Variants in CDKL3 observed in about 807,000 individuals in gnomAD.
The protein encoded by CDKL3 is cyclin dependent kinase like 3, also known as cyclin-dependent kinase-like 3.
CDKL3 carries 65 observed loss-of-function variants against 69.3 expected under a neutral mutation model. The observed-to-expected ratio is 0.94, with a 90% confidence interval of 0.77 to 1.15. The LOEUF is 1.15. CDKL3 is among the 50% of genes most tolerant of loss of function. CDKL3 has a pLI of 0.00. For missense variants in CDKL3, 652 were observed against 689.2 expected, an observed-to-expected ratio of 0.95 and a Z score of 0.61; for synonymous variants, 202 against 221.6, an observed-to-expected ratio of 0.91 and a Z score of 0.79.
chr5:134,329,813 T>C (rs1399211873), intron 4 of CDKL3, among the ~76,000 whole-genome samples: 11 of 152,002 alleles, frequency 7.2e-5, no homozygotes, highest in Non-Finnish European at 1.6e-4. Context: ...AAAAAGTTCA[T>C]GATAATGGAA....
At chr5:134,355,377 T>C (rs1754349024) in intron 3 of CDKL3, among the ~76,000 whole-genome samples, 1 of 151,982 alleles carries the variant, frequency 6.6e-6, no homozygotes, top group Non-Finnish European at 1.5e-5. Flanking sequence ...CATAGCATTA[T>C]AACTTGAATG....
At chr5:134,310,670 A>G (rs1053203013) in intron 7 of CDKL3, among the ~76,000 whole-genome samples, 2 of 151,938 alleles carry the variant, frequency 1.3e-5, no homozygotes, top group Non-Finnish European at 2.9e-5. Context: ...CATTTTCAGT[A>G]GAGATGGGGT....
At chr5:134,349,591 T>C (rs1752738627) in intron 4 of CDKL3, among the ~76,000 whole-genome samples, 1 of 152,218 alleles carries the variant, frequency 6.6e-6, no homozygotes, top group South Asian at 2.1e-4. Context: ...TTTCAAATCT[T>C]TGCAGAATGT....
intron 4 of CDKL3, among the ~76,000 whole-genome samples, chr5:134,332,196 CTT>C (rs937276587): frequency 4.6e-5 from 7 of 152,086 alleles, no homozygotes; most frequent in Non-Finnish European, 8.8e-5. Flanking sequence ...GATATTAGCC[CTT>C]TGTCAGATAG....
intron 4 of CDKL3, among the ~76,000 whole-genome samples, chr5:134,330,441 G>A (rs1302683768): frequency 2.0e-5 from 3 of 152,208 alleles, no homozygotes; most frequent in Non-Finnish European, 2.9e-5. Flanking sequence ...TTGGCCAGGT[G>A]TAGTGGCTCA....
intron 9 of CDKL3, 72 bp from the exon 10 acceptor site, chr5:134,306,774 T>TTTTTC (rs1767988582): frequency 1.2e-6 from 1 of 814,550 alleles, no homozygotes; most frequent in African/African-American, 2.2e-5. Context: ...TTTTTTTTTT[T>TTTTTC]GGCAGATTCT....
chr5:134,358,592 ATATTTATTTATT>A lies in CDKL3; in HGVS notation c.360+1293_360+1304del, dbSNP rs111820764. Among the ~76,000 whole-genome samples, 7 of 150,768 alleles carry A rather than the reference ATATTTATTTATT, an allele frequency of 4.6e-5. No individual in the cohort carries two copies. The East Asian group carries it at 1.4e-3, about 29-fold the overall frequency. On this transcript the variant is annotated intron_variant, in intron 3 of 12. Transcript: ENST00000265334. ...ATTCCTCACTCCAAACCAGCTTGCT[ATATTTATTTATT>A]TATTTATTTATTTTATTTACTTACT...
chr5:134,301,613 G>T (rs547405370), intron 12 of CDKL3, among the ~76,000 whole-genome samples: 24 of 152,050 alleles, frequency 1.6e-4, no homozygotes, highest in African/African-American at 4.3e-4. Flanking sequence ...CAGATGCGGC[G>T]GCTCACACCT....
intron 4 of CDKL3, among the ~76,000 whole-genome samples, chr5:134,329,138 C>A (rs1412165045): frequency 6.6e-6 from 1 of 152,046 alleles, no homozygotes; most frequent in Non-Finnish European, 1.5e-5. Flanking sequence ...GACAGGAGTT[C>A]GAGACCAGCC....
rs951153959 is a variant in CDKL3 at position 134,308,232 on chromosome 5, A to G, written c.1270T>C (p.Cys424Arg). ...GGTGGCATTGTCACAGAACCTCCGC[A>G]ATGTGGATTTTCTTTCAAGCCATTA... The part of the protein sequence containing the change: ...NCNGLKENPH[C>R]GGSVTMPPIN... Residue 424 changes from cysteine (C) to arginine (R), a missense_variant, in exon 9 of 13, where the codon TGC (cysteine) becomes CGC (arginine). By Grantham distance (180) the Cys-to-Arg change is radical. Transcript: ENST00000265334. The G allele has an allele frequency of 1.1e-5, 17 of 1,613,816 alleles. No homozygotes were observed. Among genetic ancestry groups the G allele is most frequent in the African/African-American group, 1.3e-5 (1 of 74,926 alleles).
chr5:134,359,019 G>A (rs758882785), intron 3 of CDKL3, among the ~76,000 whole-genome samples: 3 of 152,006 alleles, frequency 2.0e-5, no homozygotes, highest in Non-Finnish European at 2.9e-5. Flanking sequence ...AGGTGCAGTA[G>A]CTCACACCTG....
chr5:134,293,718 T>C (rs1765226721), downstream of CDKL3, among the ~76,000 whole-genome samples: 1 of 152,104 alleles, frequency 6.6e-6, no homozygotes, highest in African/African-American at 2.4e-5. Flanking sequence ...GAGGGCGGCT[T>C]GAGCCCAGGA....
chr5:134,346,432 T>G (rs1455892626), intron 4 of CDKL3, among the ~76,000 whole-genome samples: 1 of 152,240 alleles, frequency 6.6e-6, no homozygotes, highest in African/African-American at 2.4e-5. Flanking sequence ...GCTTTTCTCT[T>G]GCTAACCTAT....
chr5:134,359,031 A>G (rs2149640921), intron 3 of CDKL3, among the ~76,000 whole-genome samples: 1 of 152,250 alleles, frequency 6.6e-6, no homozygotes, highest in Middle Eastern at 3.4e-3. Flanking sequence ...TCACACCTGT[A>G]ATCCAGCATT....
chr5:134,328,303 G>C (rs1398821751), intron 4 of CDKL3, among the ~76,000 whole-genome samples: 1 of 152,146 alleles, frequency 6.6e-6, no homozygotes, highest in African/African-American at 2.4e-5. Context: ...AATATTAGTA[G>C]AGAATATCAA....
chr5:134,345,574 G>C (rs1203219715), intron 4 of CDKL3, among the ~76,000 whole-genome samples: 1 of 152,182 alleles, frequency 6.6e-6, no homozygotes, highest in Non-Finnish European at 1.5e-5. Context: ...TCAGCAAAGG[G>C]AGATGGGGTG....
At chr5:134,340,455 G>A (rs1293033103) in intron 4 of CDKL3, among the ~76,000 whole-genome samples, 1 of 152,022 alleles carries the variant, frequency 6.6e-6, no homozygotes, top group Non-Finnish European at 1.5e-5. Flanking sequence ...CAACAAAATT[G>A]AAAAACATTT....
intron 7 of CDKL3, among the ~76,000 whole-genome samples, chr5:134,311,219 T>G (rs1487158083): frequency 1.3e-5 from 2 of 152,092 alleles, no homozygotes; most frequent in Non-Finnish European, 2.9e-5. Flanking sequence ...CAACAGGCAC[T>G]GCAGCCGGGC....
At chr5:134,297,738 C>T (rs1765433405), downstream of CDKL3, among the ~76,000 whole-genome samples, 2 of 151,554 alleles carry the variant, frequency 1.3e-5, no homozygotes, top group South Asian at 2.1e-4. Context: ...TGTGCCACCA[C>T]GCCCGGCTAA....
Sources: allele counts gnomAD v4.1 joint callset (sites outside exome capture counted in the v4.1 genomes callset), GRCh38; gene constraint gnomAD v4.1.1; transcripts MANE v1.5; gene names NCBI Gene and HGNC (gene_info 2026-07-23, HGNC 2026-07-21).